TM9SF4: variants seen among roughly 807,000 people sequenced by gnomAD.
TM9SF4 encodes the protein dinucleotide oxidase disulfide thiol exchanger 3 superfamily member 4.
TM9SF4 carries 26 observed loss-of-function variants against 90.4 expected under a neutral mutation model. The ratio of observed to expected loss-of-function variants is 0.29; its 90% CI spans 0.21 to 0.40. The LOEUF (loss-of-function observed/expected upper bound fraction) is 0.40. Among genes scored for constraint, TM9SF4 ranks in the 10% least tolerant of loss-of-function variants. TM9SF4 has a pLI of 1.00. For missense variants in TM9SF4, 549 were observed against 834.8 expected (o/e 0.66, Z 4.22); for synonymous variants, 293 against 315.4 (o/e 0.93, Z 0.75).
At chr20:32,110,172 C>A in intron 1 of TM9SF4, 1 of 638,010 alleles carries the variant, frequency 1.6e-6, no homozygotes, top group Non-Finnish European at 2.1e-6. Flanking sequence ...CATAACCAGT[C>A]CGCAGATGTG....
chr20:32,151,268 C>T (rs1006081005), intron 12 of TM9SF4, among the ~76,000 whole-genome samples: 3 of 152,184 alleles, frequency 2.0e-5, no homozygotes, highest in African/African-American at 7.2e-5. Flanking sequence ...ACCCAAGTTC[C>T]TGTCAGCCCA....
rs147307704 is a variant in TM9SF4 at position 32,151,531 on chromosome 20, C to T, written c.1245+656C>T. On this transcript the variant is annotated intron_variant, in intron 12 of 17. Transcript: ENST00000398022. The stretch of plus-strand genomic sequence containing the variant: ...CCCAGGATTCTGAAGCCATTCTCAC[C>T]GCTGTCAAAAGCTCAAGGAGAGCTC... 1.3e-3 allele frequency among the ~76,000 whole-genome samples: 199 copies of T among 152,306 alleles called. No individual in the cohort carries two copies. In the East Asian group the frequency reaches 0.015, roughly 12 times the overall value.
chr20:32,112,972 T>C (rs2046168124), intron 1 of TM9SF4, among the ~76,000 whole-genome samples: 1 of 152,146 alleles, frequency 6.6e-6, no homozygotes, highest in Non-Finnish European at 1.5e-5. Context: ...AGGCTTGAGT[T>C]TGGTCTGTGT....
chr20:32,131,820 G>A (rs1160623611), intron 1 of TM9SF4, among the ~76,000 whole-genome samples: 1 of 152,140 alleles, frequency 6.6e-6, no homozygotes, highest in African/African-American at 2.4e-5. Flanking sequence ...GACCTTTCTT[G>A]CCTTTGATTC....
At chr20:32,123,845 C>CATATAT (rs778502518) in intron 1 of TM9SF4, among the ~76,000 whole-genome samples, 68 of 108,668 alleles carry the variant, frequency 6.3e-4, no homozygotes, top group South Asian at 8.9e-4. Flanking sequence ...TTCTCTCTCT[C>CATATAT]ATATATATAT....
chr20:32,155,126 G>A lies in TM9SF4; in HGVS notation c.1269G>A (p.Val423=), dbSNP rs768227646. 1 of 1,614,170 alleles carries A rather than the reference G, an allele frequency of 6.2e-7. No individual in the cohort carries two copies. The highest frequency in any genetic ancestry group is 8.5e-7 in the Non-Finnish European group (1 of 1,180,024). Residue 423 remains valine, a synonymous_variant, in exon 13 of 18, where the codon GTG becomes GTA. Transcript: ENST00000398022. ...AGACGGCAACTCTGTACCCTGGTGTGGTTTTTGGCATCTGCTTCGTATTGA... is the reference window on the plus strand; with the variant it reads ...AGACGGCAACTCTGTACCCTGGTGTAGTTTTTGGCATCTGCTTCGTATTGA... The part of the protein sequence containing the change: ...AFCTATLYPG[V]VFGICFVLNC...
intron 1 of TM9SF4, 24 bp downstream of exon 1, chr20:32,109,779 C>T (rs1024148472): frequency 4.5e-6 from 7 of 1,551,230 alleles, no homozygotes; most frequent in Admixed American, 2.0e-5. Flanking sequence ...ACTCCGGGAG[C>T]GGGAGCTGGA....
intron 1 of TM9SF4, among the ~76,000 whole-genome samples, chr20:32,123,791 T>G (rs1173382719): frequency 6.7e-6 from 1 of 148,532 alleles, no homozygotes; most frequent in Non-Finnish European, 1.5e-5. Flanking sequence ...TTTATGTTCT[T>G]TTCACCAGTA....
Position 32,122,416 on chromosome 20 carries a change from G to A in TM9SF4, c.16-10597G>A, listed in dbSNP as rs1166381237. On this transcript the variant is annotated intron_variant, in intron 1 of 17. Coordinates refer to ENST00000398022, the MANE Select transcript of TM9SF4 (RefSeq NM_014742.4). The stretch of plus-strand genomic sequence containing the variant: ...GGCTCCTCACTTCTCAGACGGGGGT[G>A]CTGCCGGGCGGAGAGGCTCCTCACT... Among the ~76,000 whole-genome samples, 9 of 150,722 alleles carry A rather than the reference G, an allele frequency of 6.0e-5. No individual in the cohort carries two copies. The South Asian group carries it at 1.9e-3, about 32-fold the overall frequency.
chr20:32,147,973 C>G (rs1363598569), intron 9 of TM9SF4, among the ~76,000 whole-genome samples: 1 of 151,966 alleles, frequency 6.6e-6, no homozygotes, highest in African/African-American at 2.4e-5. Context: ...TTAGCTGAGC[C>G]TGGTGGCAGG....
chr20:32,160,806 C>T lies in TM9SF4; in HGVS notation c.1690-470C>T, dbSNP rs188433727. On this transcript the variant is annotated intron_variant, in intron 16 of 17. Transcript: ENST00000398022. ...GCTACTAAAAATACAAAAAGTTAGC[C>T]GGGTGTGGTGGCACGTGCCTGTAGT... Among the ~76,000 whole-genome samples, 556 of 151,654 alleles carry T rather than the reference C, an allele frequency of 3.7e-3. 3 individuals are homozygous for T. The highest frequency in any genetic ancestry group is 0.01 in the Middle Eastern group (3 of 294).
At chr20:32,125,746 G>A in intron 1 of TM9SF4, among the ~76,000 whole-genome samples, 1 of 139,876 alleles carries the variant, frequency 7.1e-6, no homozygotes. Flanking sequence ...GTGCAGTGGT[G>A]TGATCATGGC....
At chr20:32,131,026 GAC>G (rs1258080971) in intron 1 of TM9SF4, among the ~76,000 whole-genome samples, 21 of 152,016 alleles carry the variant, frequency 1.4e-4, no homozygotes, top group Non-Finnish European at 2.4e-4. Flanking sequence ...AAAAAAAAAT[GAC>G]AGAGGGAAAA....
At position 32,145,089 on chromosome 20, in the gene TM9SF4, A is replaced by C. The variant is rs1270855912; in HGVS notation, c.653-2A>C. 11 of 1,613,898 alleles carry C rather than the reference A, an allele frequency of 6.8e-6. No individual in the cohort carries two copies. The highest frequency in any genetic ancestry group is 9.3e-6 in the Non-Finnish European group (11 of 1,179,848). On this transcript the variant is annotated splice_acceptor_variant, in intron 6 of 17. Transcript: ENST00000398022. LOFTEE classifies it high-confidence loss of function. ...AACAGACTGAGTCTGTGTCTCTCTC[A>C]GACCTCAAAGCAGATGAGAAGAGTT... is the stretch of plus-strand genomic sequence containing the variant.
intron 1 of TM9SF4, among the ~76,000 whole-genome samples, chr20:32,120,335 C>A (rs551018911): frequency 6.7e-6 from 1 of 149,262 alleles, no homozygotes; most frequent in East Asian, 2.0e-4. Context: ...TTTCAATATA[C>A]AAGTCCTTTT....
intron 1 of TM9SF4, among the ~76,000 whole-genome samples, chr20:32,111,899 G>A (rs1366315687): frequency 6.6e-6 from 1 of 152,218 alleles, no homozygotes; most frequent in Non-Finnish European, 1.5e-5. Context: ...AAACTGGAGG[G>A]AAGCAAGAGC....
intron 17 of TM9SF4, among the ~76,000 whole-genome samples, chr20:32,162,523 A>G (rs1322705989): frequency 6.6e-6 from 1 of 152,234 alleles, no homozygotes; most frequent in African/African-American, 2.4e-5. Flanking sequence ...TCACACTACA[A>G]TGGCAGAGTT....
At chr20:32,148,042 T>C (rs529144037) in intron 9 of TM9SF4, among the ~76,000 whole-genome samples, 3 of 147,600 alleles carry the variant, frequency 2.0e-5, no homozygotes, top group Admixed American at 6.7e-5. Flanking sequence ...ACCTGGGAGG[T>C]AGAGGTTGCA....
rs72123388 is a variant in TM9SF4, at chr20:32,118,601, GTATTTATTTATTTATT to G, written c.15+8876_15+8891del. On this transcript the variant is annotated intron_variant, in intron 1 of 17. Coordinates refer to ENST00000398022, the MANE Select transcript of TM9SF4 (RefSeq NM_014742.4). Reference sequence around the variant, plus strand: ...CCAGCCTAAATGTATTTATTTTGTTGTATTTATTTATTTATTTATTTATTTATTTATTTATTTATTT... The same window carrying G: ...CCAGCCTAAATGTATTTATTTTGTTGTATTTATTTATTTATTTATTTATTT... Among the ~76,000 whole-genome samples the G allele has an allele frequency of 8.5e-4, 125 of 146,300 alleles. 1 individual carries two copies. The highest frequency in any genetic ancestry group is 2.1e-3 in the African/African-American group (85 of 39,790).
Sources: gnomAD v4.1 joint callset for allele counts (sites outside exome capture counted in the v4.1 genomes callset) on GRCh38, gnomAD v4.1.1 for gene constraint, MANE v1.5 for transcripts, NCBI Gene and HGNC (gene_info 2026-07-23, HGNC 2026-07-21) for gene names.